LRRC8C: variants seen among roughly 807,000 people sequenced by gnomAD.
The protein encoded by LRRC8C is volume-regulated anion channel subunit LRRC8C.
LRRC8C carries 20 observed loss-of-function variants against 55.3 expected under a neutral mutation model. The observed-to-expected ratio is 0.36, with a 90% confidence interval of 0.25 to 0.53. The LOEUF is 0.53. LRRC8C is among the 20% of genes least tolerant of loss of function. The pLI, the probability that LRRC8C is intolerant of heterozygous loss-of-function variation, is 0.92. For synonymous variants in LRRC8C, 376 were observed against 360.7 expected, an observed-to-expected ratio of 1.04 and a Z score of -0.48; for missense variants, 659 against 951.4, an observed-to-expected ratio of 0.69 and a Z score of 4.04.
intron 1 of LRRC8C, among the ~76,000 whole-genome samples, chr1:89,659,047 G>GTT: frequency 2.6e-5 from 1 of 38,194 alleles, no homozygotes; most frequent in Admixed American, 3.2e-4. Flanking sequence ...GTCTTCTCCA[G>GTT]GTTTTTTTTT....
At chr1:89,677,444 G>GTTATATTCTTTTATTTCATGTT (rs1428131920) in intron 1 of LRRC8C, among the ~76,000 whole-genome samples, 1 of 152,014 alleles carries the variant, frequency 6.6e-6, no homozygotes, top group African/African-American at 2.4e-5. Flanking sequence ...CTTTTATATT[G>GTTATATTCTTTTATTTCATGTT]TCAAATAAGA....
chr1:89,687,785 C>T (rs1266217628), intron 2 of LRRC8C, among the ~76,000 whole-genome samples: 2 of 152,104 alleles, frequency 1.3e-5, no homozygotes, highest in Non-Finnish European at 2.9e-5. Context: ...GAATGGAAAT[C>T]AACGTATTAT....
chr1:89,642,846 C>CAA (rs34394797), intron 1 of LRRC8C, among the ~76,000 whole-genome samples: 1 of 140,774 alleles, frequency 7.1e-6, no homozygotes, highest in Non-Finnish European at 1.5e-5. Flanking sequence ...GACTCCATCT[C>CAA]AAAAAAAAAA....
chr1:89,694,196 A>G (rs774693129), intron 2 of LRRC8C, among the ~76,000 whole-genome samples: 24 of 152,004 alleles, frequency 1.6e-4, no homozygotes, highest in Non-Finnish European at 8.8e-5. Context: ...TTGAACTGAC[A>G]CTTTTGATCT....
At chr1:89,624,408 G>A in the LRRC8C span, among the ~76,000 whole-genome samples, 1 of 152,302 alleles carries the variant, frequency 6.6e-6, no homozygotes. Context: ...TTTGTGCTCA[G>A]AATATGTGCG....
chr1:89,712,183 G>A (rs1658667530), intron 2 of LRRC8C, among the ~76,000 whole-genome samples: 1 of 152,150 alleles, frequency 6.6e-6, no homozygotes, highest in South Asian at 2.1e-4. Flanking sequence ...CACGATCTCG[G>A]CTCACTGCAA....
In LRRC8C at chr1:89,719,001, C is replaced by T. The variant is rs934908291; in HGVS notation, c.*4019C>T. The T allele has an allele frequency of 3.9e-5, 6 of 152,112 alleles. No individual in the cohort carries two copies. The highest frequency in any genetic ancestry group is 1.4e-4 in the African/African-American group (6 of 41,402). The allele number at this position is 152,112 out of a possible 1,614,324, so 9.4% of individuals were successfully genotyped here. On this transcript the variant is annotated 3_prime_UTR_variant, in exon 3 of 3. Transcript: ENST00000370454. Reference sequence around the variant, plus strand: ...AAGATTTAGGCCTCAGTGACATGCTCCTGAAAGTTTCCTGCCAGCCATCCA... The same window carrying T: ...AAGATTTAGGCCTCAGTGACATGCTTCTGAAAGTTTCCTGCCAGCCATCCA...
chr1:89,687,546 G>T (rs1657915202), intron 2 of LRRC8C, among the ~76,000 whole-genome samples: 1 of 152,192 alleles, frequency 6.6e-6, no homozygotes, highest in African/African-American at 2.4e-5. Context: ...TGATGAGGAA[G>T]ATAGTGTCAG....
chr1:89,712,012 G>A (rs1658662371), intron 2 of LRRC8C, among the ~76,000 whole-genome samples: 1 of 152,190 alleles, frequency 6.6e-6, no homozygotes, highest in Admixed American at 6.5e-5. Flanking sequence ...CTCATACACA[G>A]ACTGATACAA....
chr1:89,706,154 G>T, intron 2 of LRRC8C: 2 of 332,456 alleles, frequency 6.0e-6, no homozygotes, highest in Non-Finnish European at 1.2e-5. Context: ...TGTTCTTGTT[G>T]GTATCCCAAA....
At chr1:89,644,969 A>T (rs1656573121) in intron 1 of LRRC8C, among the ~76,000 whole-genome samples, 2 of 152,236 alleles carry the variant, frequency 1.3e-5, no homozygotes, top group Admixed American at 6.5e-5. Flanking sequence ...AGCTTCCATA[A>T]TATGTCATCC....
chr1:89,646,017 A>T (rs1288099331), intron 1 of LRRC8C, among the ~76,000 whole-genome samples: 1 of 150,260 alleles, frequency 6.7e-6, no homozygotes, highest in Non-Finnish European at 1.5e-5. Flanking sequence ...ATTCTATATT[A>T]TGAAACTTTT....
At chr1:89,628,209 C>T (rs1197386087), upstream of LRRC8C, among the ~76,000 whole-genome samples, 1 of 152,072 alleles carries the variant, frequency 6.6e-6, no homozygotes, top group Non-Finnish European at 1.5e-5. Flanking sequence ...ATTTTTAGGT[C>T]CTTGGTACTG....
At chr1:89,637,447 A>G (rs1262396535) in intron 1 of LRRC8C, among the ~76,000 whole-genome samples, 1 of 151,200 alleles carries the variant, frequency 6.6e-6, no homozygotes, top group Non-Finnish European at 1.5e-5. Context: ...GCACAAGCAG[A>G]AGACCCACTA....
chr1:89,708,995 G>C (rs573412286), intron 2 of LRRC8C, among the ~76,000 whole-genome samples: 29 of 152,200 alleles, frequency 1.9e-4, no homozygotes, highest in African/African-American at 5.8e-4. Flanking sequence ...AACAGCTTTT[G>C]GAAAATAGAT....
intron 1 of LRRC8C, among the ~76,000 whole-genome samples, chr1:89,659,064 TGTG>T (rs1557651838): frequency 0.014 from 353 of 25,792 alleles, 38 homozygotes; most frequent in South Asian, 0.041. Flanking sequence ...TTTTTTTTTG[TGTG>T]TGTGTGTGTG....
rs1658751378 is a variant in LRRC8C, at chr1:89,714,439, T to C, written c.1869T>C (p.Asn623=). Residue 623 remains asparagine (N), a synonymous_variant, in exon 3 of 3, where the codon AAT becomes AAC. Coordinates refer to ENST00000370454, the MANE Select transcript of LRRC8C (RefSeq NM_032270.5). The surrounding 1 kb of genome is among the most constrained non-coding windows in gnomAD (Gnocchi z 4.6). The part of the protein sequence containing the change: ...SLQELDLKEN[N]LKSIEEIVSF... ...AGGAATTGGACCTGAAGGAAAACAA[T>C]CTGAAATCTATAGAAGAAATCGTTA... 1.2e-6 allele frequency: 2 copies of C among 1,614,142 alleles called. No homozygotes were observed. Among genetic ancestry groups the C allele is most frequent in the African/African-American group, 2.7e-5 (2 of 75,028 alleles).
In LRRC8C at chr1:89,713,581, C is replaced by T. The variant is rs1335758916; in HGVS notation, c.1011C>T (p.Thr337=). 5 of 1,614,070 alleles carry T rather than the reference C, an allele frequency of 3.1e-6. No individual in the cohort carries two copies. Among genetic ancestry groups the T allele is most frequent in the East Asian group, 2.2e-5 (1 of 44,870 alleles). ...VSIYGLTCLY[T]LYWLFYRSLR... ...TCTATGGATTGACGTGCCTTTATAC[C>T]TTATACTGGCTGTTCTACCGTTCTC... The change falls in exon 3 of 3, where the codon ACC becomes ACT. Residue 337 remains threonine (T), a synonymous_variant. Coordinates refer to ENST00000370454, the MANE Select transcript of LRRC8C (RefSeq NM_032270.5). This position sits in a 1 kb window ranked among gnomAD's most constrained non-coding sequence, Gnocchi z 5.2.
chr1:89,678,254 C>A (rs1260478811), intron 1 of LRRC8C, among the ~76,000 whole-genome samples: 1 of 152,184 alleles, frequency 6.6e-6, no homozygotes, highest in Non-Finnish European at 1.5e-5. Flanking sequence ...ATGTATTCAC[C>A]CATTTATTCA....
Sources: allele counts gnomAD v4.1 joint callset (sites outside exome capture counted in the v4.1 genomes callset), GRCh38; gene constraint gnomAD v4.1.1; non-coding constraint Gnocchi (gnomAD v3.1); transcripts MANE v1.5; gene names NCBI Gene and HGNC (gene_info 2026-07-23, HGNC 2026-07-21).